The following CCNY variants were observed in gnomAD, a reference collection of about 807,000 sequenced individuals.
CCNY encodes cyclin-Y.
Under a neutral mutation model 42.8 loss-of-function variants are expected in CCNY, and 19 were observed. That is an observed-to-expected ratio of 0.44 (90% confidence interval 0.31 to 0.65). The LOEUF is 0.65. Among genes scored for constraint, CCNY ranks in the 30% least tolerant of loss-of-function variants. The pLI, the probability that CCNY is intolerant of heterozygous loss-of-function variation, is 0.07. For synonymous variants in CCNY, 165 were observed against 162.7 expected (o/e 1.01, Z -0.11); for missense variants, 370 against 437.3 (o/e 0.85, Z 1.37).
intron 3 of CCNY, among the ~76,000 whole-genome samples, chr10:35,298,302 C>A (rs1198528549): frequency 6.6e-6 from 1 of 152,194 alleles, no homozygotes; most frequent in Admixed American, 6.5e-5. Context: ...CTTCATATCT[C>A]CTTGCAACAA....
chr10:35,555,227 G>C (rs1430689579), intron 8 of CCNY, among the ~76,000 whole-genome samples: 1 of 152,074 alleles, frequency 6.6e-6, no homozygotes, highest in Non-Finnish European at 1.5e-5. Context: ...ATTAAGAAAG[G>C]CTCATCTTTC....
At chr10:35,563,797 C>T (rs1438919442) in intron 8 of CCNY, among the ~76,000 whole-genome samples, 1 of 151,994 alleles carries the variant, frequency 6.6e-6, no homozygotes, top group Non-Finnish European at 1.5e-5. Context: ...ACTTCCGCCT[C>T]CTGGGTTCAA....
chr10:35,283,002 T>C (rs1835314914), intron 3 of CCNY, among the ~76,000 whole-genome samples: 1 of 152,132 alleles, frequency 6.6e-6, no homozygotes, highest in Non-Finnish European at 1.5e-5. Flanking sequence ...GTGCTGCACA[T>C]TGAGCGAACT....
At chr10:35,515,815 G>A (rs1840415946) in intron 3 of CCNY, among the ~76,000 whole-genome samples, 1 of 152,164 alleles carries the variant, frequency 6.6e-6, no homozygotes, top group African/African-American at 2.4e-5. Context: ...TACTTCACCA[G>A]TACCTTCTAG....
intron 1 of CCNY, among the ~76,000 whole-genome samples, chr10:35,481,590 G>A (rs1839670559): frequency 6.6e-6 from 1 of 152,204 alleles, no homozygotes; most frequent in South Asian, 2.1e-4. Context: ...TCCAGATGCT[G>A]TCTGAGGCCA....
At chr10:35,429,659 A>G (rs1838341945) in intron 1 of CCNY, among the ~76,000 whole-genome samples, 1 of 152,212 alleles carries the variant, frequency 6.6e-6, no homozygotes, top group African/African-American at 2.4e-5. Flanking sequence ...TCCCTAGTTC[A>G]GTTGCTGGTA....
In CCNY at chr10:35,276,004, T is replaced by C. The variant is rs147286420; in HGVS notation, c.-9+25378T>C. On this transcript the variant is annotated intron_variant, in intron 3 of 11. Transcript: ENST00000374706. ...CCTTTCACCTAGGCATGGTTACCCA[T>C]GTAAGCAGCCATAGTTCTTTGCAGA... Among the ~76,000 whole-genome samples, 1,181 of 152,342 alleles carry C rather than the reference T, an allele frequency of 7.8e-3. 36 individuals carry two copies. In the South Asian group the frequency reaches 0.1, roughly 13 times the overall value.
chr10:35,408,701 C>G (rs187993339), intron 1 of CCNY, among the ~76,000 whole-genome samples: 1 of 152,094 alleles, frequency 6.6e-6, no homozygotes, highest in African/African-American at 2.4e-5. Context: ...TGGATGTATA[C>G]GTGCAGGTCA....
At chr10:35,436,342 A>G (rs1838533082) in intron 1 of CCNY, among the ~76,000 whole-genome samples, 1 of 152,182 alleles carries the variant, frequency 6.6e-6, no homozygotes, top group African/African-American at 2.4e-5. Flanking sequence ...TATCTTGGGC[A>G]TAAAGTGACC....
At chr10:35,301,746 C>T (rs1269832028) in intron 3 of CCNY, among the ~76,000 whole-genome samples, 1 of 152,110 alleles carries the variant, frequency 6.6e-6, no homozygotes, top group African/African-American at 2.4e-5. Context: ...CCTCCTGCCT[C>T]AGCCTCCTGA....
At chr10:35,265,393 A>T (rs1000438121) in intron 3 of CCNY, among the ~76,000 whole-genome samples, 2 of 152,188 alleles carry the variant, frequency 1.3e-5, no homozygotes, top group Non-Finnish European at 2.9e-5. Flanking sequence ...ACAAATAATG[A>T]TGTGTATGTT....
chr10:35,268,580 G>T (rs944920649), intron 3 of CCNY, among the ~76,000 whole-genome samples: 10 of 152,182 alleles, frequency 6.6e-5, no homozygotes, highest in African/African-American at 2.4e-4. Context: ...TGTTCCCACA[G>T]CTCCACTAAG....
At chr10:35,546,510 C>G (rs979391149) in intron 7 of CCNY, among the ~76,000 whole-genome samples, 1 of 152,190 alleles carries the variant, frequency 6.6e-6, no homozygotes, top group African/African-American at 2.4e-5. Flanking sequence ...GAAAAATCAA[C>G]CGTGTATTAT....
At chr10:35,257,588 G>A (rs71487396) in intron 3 of CCNY, among the ~76,000 whole-genome samples, 4,358 of 152,258 alleles carry the variant, frequency 0.029, 99 homozygotes, top group Middle Eastern at 0.082. Context: ...GGCCTGCAGA[G>A]TCTCTGGGAG....
intron 1 of CCNY, among the ~76,000 whole-genome samples, chr10:35,478,498 A>C (rs1421723769): frequency 6.6e-6 from 1 of 152,142 alleles, no homozygotes; most frequent in Non-Finnish European, 1.5e-5. Flanking sequence ...ATCTACAACT[A>C]TCTGATCTTT....
chr10:35,532,769 A>C (rs892913642), intron 7 of CCNY, among the ~76,000 whole-genome samples: 1 of 152,220 alleles, frequency 6.6e-6, no homozygotes, highest in Non-Finnish European at 1.5e-5. Context: ...CCCTTCCCTC[A>C]GGAGTCACCC....
intron 1 of CCNY, among the ~76,000 whole-genome samples, chr10:35,449,003 C>T (rs757368852): frequency 1.1e-4 from 17 of 151,680 alleles, no homozygotes; most frequent in Non-Finnish European, 8.8e-5. Flanking sequence ...TGAGTGCAGG[C>T]CTTGAAGGGT....
intron 3 of CCNY, among the ~76,000 whole-genome samples, chr10:35,507,611 C>T (rs952009340): frequency 2.0e-5 from 3 of 152,042 alleles, no homozygotes; most frequent in African/African-American, 7.2e-5. Flanking sequence ...GATCATATTC[C>T]AGCAATGTTA....
At chr10:35,534,972 C>G (rs12262340) in intron 7 of CCNY, among the ~76,000 whole-genome samples, 3 of 140,152 alleles carry the variant, frequency 2.1e-5, no homozygotes, top group African/African-American at 8.1e-5. Context: ...CACACACACA[C>G]ACATATATAT....
Sources: gnomAD v4.1 joint callset for allele counts (sites outside exome capture counted in the v4.1 genomes callset) on GRCh38, gnomAD v4.1.1 for gene constraint, MANE v1.5 for transcripts, NCBI Gene and HGNC (gene_info 2026-07-23, HGNC 2026-07-21) for gene names.